Variants in GP2 observed in about 807,000 individuals in gnomAD.
GP2 encodes the protein glycoprotein 2.
Under a neutral mutation model 60.8 loss-of-function variants are expected in GP2, and 58 were observed. That is an observed-to-expected ratio of 0.95 (90% confidence interval 0.77 to 1.19). The LOEUF is 1.19. GP2 is among the 50% of genes most tolerant of loss of function. The pLI, the probability that GP2 is intolerant of heterozygous loss-of-function variation, is 0.00. For missense variants in GP2, 647 were observed against 667.4 expected (o/e 0.97, Z 0.34); for synonymous variants, 280 against 253.4 (o/e 1.10, Z -1.00).
chr16:20,318,039 C>G, intron 7 of GP2, 146 bp downstream of exon 7: 1 of 687,098 alleles, frequency 1.5e-6, no homozygotes, highest in Non-Finnish European at 2.6e-6. Context: ...ATATTTTAGG[C>G]TAAAATCTCA....
chr16:20,311,179 G>A lies in GP2; in HGVS notation c.*44C>T, dbSNP rs767616963. 2 of 1,273,120 alleles carry A rather than the reference G, an allele frequency of 1.6e-6. No individual in the cohort carries two copies. Among genetic ancestry groups the A allele is most frequent in the South Asian group, 2.4e-5 (2 of 84,152 alleles). 78.9% of individuals were successfully genotyped at this position (1,273,120 alleles called of 1,614,324 possible). A position where few individuals can be genotyped will look rare whatever the true frequency, so the allele number is the denominator to read the frequency against. ...GAAGTGCTGAAGGGAGCCATTGCCA[G>A]AGGGAAGAACACAAACTTCAAGGCC... On this transcript the variant is annotated 3_prime_UTR_variant, in exon 11 of 11. Transcript: ENST00000302555.
At position 20,323,804 on chromosome 16, in the gene GP2, T is replaced by C. The variant is rs776601375; in HGVS notation, c.535+12A>G. On this transcript the variant is annotated intron_variant, in intron 3 of 10. Transcript: ENST00000302555. ...GCTGTGTAGCTGCCTCCTCCAGGGC[T>C]CTGCTGCTCACCTGTGCAGTATCTC... 1 of 1,577,456 alleles carries C rather than the reference T, an allele frequency of 6.3e-7. No homozygotes were observed. The highest frequency in any genetic ancestry group is 1.7e-5 in the Admixed American group (1 of 58,632).
rs1218105167 is a variant in GP2 at position 20,322,861 on chromosome 16, C to G, written c.646+8G>C. The G allele has an allele frequency of 2.7e-6, 4 of 1,471,648 alleles. No homozygotes were observed. Among genetic ancestry groups the G allele is most frequent in the South Asian group, 2.3e-5 (2 of 88,002 alleles). 91.2% of individuals were successfully genotyped at this position (1,471,648 alleles called of 1,614,324 possible). A position where few individuals can be genotyped will look rare whatever the true frequency, so the allele number is the denominator to read the frequency against. On this transcript the variant is annotated splice_region_variant and intron_variant, in intron 4 of 10. Coordinates refer to ENST00000302555, the MANE Select transcript of GP2 (RefSeq NM_001502.4). ...GGATGGTAGTTACTTGCCCAGTGAG[C>G]AGCTCACCAGAACTATTGAGGTCCT...
Position 20,319,712 on chromosome 16 carries a change from G to A in GP2, c.915C>T (p.Ile305=). 1 of 1,610,098 alleles carries A rather than the reference G, an allele frequency of 6.2e-7. No homozygotes were observed. Among genetic ancestry groups the A allele is most frequent in the African/African-American group, 1.3e-5 (1 of 74,970 alleles). ...TGATGTTGAGGATGGTGTCTCTGAT[G>A]ATGAAATCATTGACCAAGGAGAGGG... ...KNTLSLVNDF[I]IRDTILNINF... Residue 305 remains isoleucine, a synonymous_variant, in exon 6 of 11, where the codon ATC becomes ATT. Coordinates refer to ENST00000302555, the MANE Select transcript of GP2 (RefSeq NM_001502.4).
rs778866366 is a variant in GP2 at position 20,320,283 on chromosome 16, A to G, written c.837T>C (p.Ser279=). Reference sequence around the variant, plus strand: ...TTACCTCCAGAATGTTCCTGCAGGCACTAGCCTGGACGGGGCTGGTCACAG... The same window carrying G: ...TTACCTCCAGAATGTTCCTGCAGGCGCTAGCCTGGACGGGGCTGGTCACAG... ...WVSVTSPVQA[S]ACRNILERNQ... Residue 279 remains serine (S), a synonymous_variant, in exon 5 of 11, where the codon AGT becomes AGC. Transcript: ENST00000302555. 12 of 1,613,510 alleles carry G rather than the reference A, an allele frequency of 7.4e-6. No individual in the cohort carries two copies. The East Asian group carries it at 2.7e-4, about 36-fold the overall frequency.
rs10852240 is a variant in GP2 at position 20,310,101 on chromosome 16, G to A, written c.*1122C>T. 146,554 of 152,332 alleles carry A rather than the reference G, an allele frequency of 0.96. 70,666 individuals carry two copies. Among genetic ancestry groups the A allele is most frequent in the Non-Finnish European group, 0.99 (67,215 of 68,086 alleles). 9.4% of individuals were successfully genotyped at this position (152,332 alleles called of 1,614,324 possible). A position where few individuals can be genotyped will look rare whatever the true frequency, so the allele number is the denominator to read the frequency against. On this transcript the variant is annotated 3_prime_UTR_variant, in exon 11 of 11. Transcript: ENST00000302555. ...TGCCCTATTTGCTGCATCTGTGTCGGGTGCTTTGAAGTACTCATTAAAGGT... is the reference window on the plus strand; with the variant it reads ...TGCCCTATTTGCTGCATCTGTGTCGAGTGCTTTGAAGTACTCATTAAAGGT...
chr16:20,324,574 A>T (rs1039302601), intron 2 of GP2, among the ~76,000 whole-genome samples: 6 of 152,206 alleles, frequency 3.9e-5, no homozygotes, highest in Non-Finnish European at 8.8e-5. Flanking sequence ...TTTTCTCATT[A>T]TAAATGTAAT....
chr16:20,324,060 C>G lies in GP2; in HGVS notation c.291G>C (p.Gly97=), dbSNP rs1339596481. Reference sequence around the variant, plus strand: ...TCTCCGACATCCTTACTCCTCCTTCCCCTACAAAGCGGTACCAGCCGCTCA... The same window carrying G: ...TCTCCGACATCCTTACTCCTCCTTCGCCTACAAAGCGGTACCAGCCGCTCA... ...KNMSGWYRFV[G]EGGVRMSETC... Residue 97 remains glycine (G), a synonymous_variant, in exon 3 of 11, where the codon GGG becomes GGC. Coordinates refer to ENST00000302555, the MANE Select transcript of GP2 (RefSeq NM_001502.4). The G allele has an allele frequency of 6.2e-7, 1 of 1,613,904 alleles. No individual in the cohort carries two copies. The highest frequency in any genetic ancestry group is 1.3e-5 in the African/African-American group (1 of 74,930).
intron 2 of GP2, 149 bp from the exon 3 acceptor site, chr16:20,324,405 C>T: frequency 1.6e-6 from 1 of 609,696 alleles, no homozygotes; most frequent in Admixed American, 3.0e-5. Flanking sequence ...AACTTCATCA[C>T]CTTGGGGGCA....
intron 7 of GP2, 104 bp downstream of exon 7, chr16:20,318,081 T>C: frequency 1.1e-6 from 1 of 897,336 alleles, no homozygotes; most frequent in South Asian, 1.5e-5. Context: ...AGATTGTGGT[T>C]ATGATATGTA....
At position 20,324,266 on chromosome 16, in the gene GP2, T is replaced by A. The variant is rs1304284861; in HGVS notation, c.95-10A>T. 6.4e-7 allele frequency: 1 copy of A among 1,573,232 alleles called. No individual in the cohort carries two copies. Among genetic ancestry groups the A allele is most frequent in the East Asian group, 2.3e-5 (1 of 44,412 alleles). On this transcript the variant is annotated splice_polypyrimidine_tract_variant and intron_variant, in intron 2 of 10. Transcript: ENST00000302555. Reference sequence around the variant, plus strand: ...ATGGGGTTTCCATAACCTGGGAAAGTGACAGAGTGCAGTTGGGTTTACTGA... The same window carrying A: ...ATGGGGTTTCCATAACCTGGGAAAGAGACAGAGTGCAGTTGGGTTTACTGA...
Position 20,324,189 on chromosome 16 carries a change from T to A in GP2, c.162A>T (p.Pro54=), listed in dbSNP as rs1193755913. 6.2e-7 allele frequency: 1 copy of A among 1,613,926 alleles called. No homozygotes were observed. Among genetic ancestry groups the A allele is most frequent in the Admixed American group, 1.7e-5 (1 of 60,024 alleles). The change falls in exon 3 of 11, where the codon CCA becomes CCT. Residue 54 remains proline (P), a synonymous_variant. Transcript: ENST00000302555. The stretch of plus-strand genomic sequence containing the variant: ...AGGGGTCAAAACAGACATGAGCCTC[T>A]GGGGTGCCAGGAGCTCCGCAGTCCA... ...LDLDCGAPGT[P]EAHVCFDPCQ...
intron 3 of GP2, 165 bp downstream of exon 3, chr16:20,323,651 T>C: frequency 1.6e-6 from 1 of 611,140 alleles, no homozygotes. Flanking sequence ...GCTTGAAATG[T>C]TGGAAGGTCT....
At chr16:20,311,777 A>C (rs1293423965) in intron 10 of GP2, among the ~76,000 whole-genome samples, 1 of 152,178 alleles carries the variant, frequency 6.6e-6, no homozygotes, top group Non-Finnish European at 1.5e-5. Flanking sequence ...TTAGTGGGAA[A>C]CAATACTGTC....
At position 20,317,330 on chromosome 16, in the gene GP2, C is replaced by T. The variant is rs1277105636; in HGVS notation, c.1299G>A (p.Gly433=). 3.1e-6 allele frequency: 5 copies of T among 1,613,644 alleles called. No individual in the cohort carries two copies. The highest frequency in any genetic ancestry group is 1.7e-4 in the Middle Eastern group (1 of 6,060). Residue 433 remains glycine, a synonymous_variant, in exon 8 of 11, where the codon GGG becomes GGA. Transcript: ENST00000302555. ...CTGAGAACCGGCTTTCCGAGGACTG[C>T]CCATTCTCCTCCACGTGGATGGTGG... ...RDSTIHVEEN[G]QSSESRFSVQ...
At chr16:20,314,556 T>G in intron 10 of GP2, 101 bp downstream of exon 10, 1 of 838,824 alleles carries the variant, frequency 1.2e-6, no homozygotes, top group Non-Finnish European at 2.1e-6. Context: ...CTGATTAATG[T>G]CAGTGTCCCT....
Position 20,311,174 on chromosome 16 carries a change from T to G in GP2, c.*49A>C, listed in dbSNP as rs1449322980. 1 of 1,178,048 alleles carries G rather than the reference T, an allele frequency of 8.5e-7. No homozygotes were observed. Among genetic ancestry groups the G allele is most frequent in the East Asian group, 2.3e-5 (1 of 42,852 alleles). The allele number at this position is 1,178,048 out of a possible 1,614,324, so 73.0% of individuals were successfully genotyped here. A position where few individuals can be genotyped will look rare whatever the true frequency, so the allele number is the denominator to read the frequency against. Reference sequence around the variant, plus strand: ...AAGCAGAAGTGCTGAAGGGAGCCATTGCCAGAGGGAAGAACACAAACTTCA... The same window carrying G: ...AAGCAGAAGTGCTGAAGGGAGCCATGGCCAGAGGGAAGAACACAAACTTCA... On this transcript the variant is annotated 3_prime_UTR_variant, in exon 11 of 11. Coordinates refer to ENST00000302555, the MANE Select transcript of GP2 (RefSeq NM_001502.4).
intron 10 of GP2, 48 bp downstream of exon 10, chr16:20,314,609 A>G (rs368402969): frequency 7.7e-7 from 1 of 1,304,912 alleles, no homozygotes; most frequent in Non-Finnish European, 1.1e-6. Flanking sequence ...TTGAAAAGAG[A>G]AAGGAGAGTT....
chr16:20,324,491 C>T (rs926507669), intron 2 of GP2, among the ~76,000 whole-genome samples: 1 of 152,220 alleles, frequency 6.6e-6, no homozygotes, highest in African/African-American at 2.4e-5. Context: ...CACAGCCTCC[C>T]TCCCTGCCTC....
Sources: gnomAD v4.1 joint callset for allele counts (sites outside exome capture counted in the v4.1 genomes callset) on GRCh38, gnomAD v4.1.1 for gene constraint, MANE v1.5 for transcripts, NCBI Gene and HGNC (gene_info 2026-07-23, HGNC 2026-07-21) for gene names.